COL6A5: variants seen among roughly 807,000 people sequenced by gnomAD.
COL6A5 encodes the protein collagen alpha-5(VI) chain.
A neutral mutation model predicts 65.6 loss-of-function variants in COL6A5; 48 were observed. The observed-to-expected ratio is 0.73, with a 90% CI of 0.58 to 0.93. COL6A5 has a LOEUF of 0.93. Among genes scored for constraint, COL6A5 ranks in the 40% least tolerant of loss-of-function variants. The pLI, the probability that COL6A5 is intolerant of heterozygous loss-of-function variation, is 0.00. For synonymous variants in COL6A5, 291 were observed against 322.8 expected (o/e 0.90, Z 1.05); for missense variants, 914 against 928.3 (o/e 0.98, Z 0.20).
At chr3:130,378,470 C>A (rs1199730396) in intron 3 of COL6A5, among the ~76,000 whole-genome samples, 2 of 152,160 alleles carry the variant, frequency 1.3e-5, no homozygotes, top group Non-Finnish European at 2.9e-5. Context: ...GAATCATTAT[C>A]TCTTTCCTGG....
rs1332871802 is a variant in COL6A5 at position 130,469,030 on chromosome 3, TC to T, written c.1782del (p.Pro595LeufsTer28). ...ACAGGGTTGCTGTCCTGAGCTACTC[TC>T]CTCCAGGCTATATGCCTAACACTGA... On this transcript the variant is annotated frameshift_variant, in exon 6 of 8. Transcript: ENST00000512836. LOFTEE classifies it high-confidence loss of function. 3 of 1,612,898 alleles carry T rather than the reference TC, an allele frequency of 1.9e-6. No homozygotes were observed. Among genetic ancestry groups the T allele is most frequent in the Non-Finnish European group, 2.5e-6 (3 of 1,179,396 alleles).
intron 7 of COL6A5, among the ~76,000 whole-genome samples, chr3:130,477,542 C>G (rs1710130356): frequency 6.6e-6 from 1 of 151,738 alleles, no homozygotes; most frequent in African/African-American, 2.4e-5. Context: ...TATGTCAAAC[C>G]CAAGGCTTGT....
intron 4 of COL6A5, 48 bp downstream of exon 36, chr3:130,443,614 T>G: frequency 8.1e-7 from 1 of 1,229,882 alleles, no homozygotes; most frequent in Non-Finnish European, 1.2e-6. Flanking sequence ...AATTGGCTGA[T>G]GGGAGTATAA....
intron 25 of COL6A5, 77 bp from the exon 26 acceptor site, chr3:130,421,076 C>A: frequency 1.5e-6 from 2 of 1,332,796 alleles, no homozygotes; most frequent in Non-Finnish European, 2.1e-6. Context: ...TCTCTTCTGA[C>A]ACTGTAATCT....
chr3:130,462,037 G>A (rs138221206), intron 5 of COL6A5, among the ~76,000 whole-genome samples: 2 of 152,178 alleles, frequency 1.3e-5, no homozygotes, highest in African/African-American at 4.8e-5. Flanking sequence ...AGAAAAGGAT[G>A]AAGTCTATTT....
intron 5 of COL6A5, among the ~76,000 whole-genome samples, chr3:130,468,071 T>A (rs774938245): frequency 2.6e-5 from 4 of 152,000 alleles, no homozygotes; most frequent in Non-Finnish European, 5.9e-5. Flanking sequence ...GGAATGTAAA[T>A]CAAGGCAATG....
intron 25 of COL6A5, among the ~76,000 whole-genome samples, chr3:130,419,189 C>A (rs185783788): frequency 3.3e-5 from 5 of 152,126 alleles, no homozygotes; most frequent in Admixed American, 3.3e-4. Flanking sequence ...CATTTCAATA[C>A]CTTAACAACC....
At chr3:130,376,546 T>C (rs2107637876) in exon 3 of COL6A5, 1 of 1,606,140 alleles carries the variant, frequency 6.2e-7, no homozygotes, top group Non-Finnish European at 8.5e-7. Context: ...TCTGCACCCA[T>C]AAATGGGAGA....
chr3:130,355,504 A>G (rs1169886176), intron 1 of COL6A5, among the ~76,000 whole-genome samples: 1 of 152,108 alleles, frequency 6.6e-6, no homozygotes, highest in Admixed American at 6.6e-5. Flanking sequence ...TTTTATTTAC[A>G]AATTATTTTA....
At chr3:130,444,359 G>A (rs3993277) in intron 4 of COL6A5, among the ~76,000 whole-genome samples, 18,514 of 146,470 alleles carry the variant, frequency 0.13, 1,645 homozygotes, top group East Asian at 0.33. Flanking sequence ...AAATCACAAG[G>A]GTATTGATTG....
At chr3:130,359,611 G>A (rs1245412647) in intron 1 of COL6A5, among the ~76,000 whole-genome samples, 1 of 152,016 alleles carries the variant, frequency 6.6e-6, no homozygotes, top group African/African-American at 2.4e-5. Flanking sequence ...AAGCAAAAGT[G>A]TATAGGACCT....
intron 17 of COL6A5, 68 bp from the exon 18 acceptor site, chr3:130,409,258 C>A: frequency 7.9e-7 from 1 of 1,259,674 alleles, no homozygotes; most frequent in Non-Finnish European, 1.1e-6. Flanking sequence ...ACATACAAAA[C>A]TTCACACTTA....
Position 130,440,841 on chromosome 3 carries a change from ATTGT to A in COL6A5, c.1241+21_1241+24del. On this transcript the variant is annotated intron_variant, in intron 3 of 7. Coordinates refer to ENST00000512836, the Ensembl canonical transcript of COL6A5. ...TCGGTCAGGCGTAAGTTATTATTTC[ATTGT>A]TTGTCTTTTTTTTAATAAGCTAGTG... is the stretch of plus-strand genomic sequence containing the variant. The A allele has an allele frequency of 1.9e-6, 3 of 1,586,402 alleles. No individual in the cohort carries two copies. The highest frequency in any genetic ancestry group is 2.6e-6 in the Non-Finnish European group (3 of 1,161,032).
exon 8 of COL6A5, chr3:130,484,170 A>G: frequency 1.0e-6 from 1 of 955,704 alleles, no homozygotes; most frequent in Non-Finnish European, 1.5e-6. Flanking sequence ...TTTCACAAAA[A>G]CAATTGGCTA....
chr3:130,359,838 A>G (rs914670783), intron 1 of COL6A5, among the ~76,000 whole-genome samples: 6 of 152,114 alleles, frequency 3.9e-5, no homozygotes, highest in Non-Finnish European at 8.8e-5. Context: ...TTTTCTTTAC[A>G]GAAAAGTTTA....
At chr3:130,372,824 A>G (rs1464262389) in intron 1 of COL6A5, among the ~76,000 whole-genome samples, 2 of 152,196 alleles carry the variant, frequency 1.3e-5, no homozygotes, top group East Asian at 1.9e-4. Flanking sequence ...TGAATGAGTA[A>G]CAATTTCAAA....
chr3:130,370,573 T>C (rs55658704), intron 1 of COL6A5, among the ~76,000 whole-genome samples: 86,431 of 152,052 alleles, frequency 0.57, 27,624 homozygotes, highest in Non-Finnish European at 0.72. Flanking sequence ...AATAAGCTTA[T>C]ATCTGAAGAA....
At chr3:130,476,287 G>A (rs1710096008) in intron 7 of COL6A5, among the ~76,000 whole-genome samples, 1 of 151,946 alleles carries the variant, frequency 6.6e-6, no homozygotes, top group African/African-American at 2.4e-5. Context: ...GTAAAATCAG[G>A]GCTTCACCCT....
At chr3:130,409,961 A>G (rs1472995840) in intron 18 of COL6A5, 48 bp from the exon 19 acceptor site, 2 of 1,320,610 alleles carry the variant, frequency 1.5e-6, no homozygotes, top group Non-Finnish European at 2.1e-6. Context: ...TTTGGGGAAA[A>G]AGCTGATATT....
Sources: gnomAD v4.1 joint callset for allele counts (sites outside exome capture counted in the v4.1 genomes callset) on GRCh38, gnomAD v4.1.1 for gene constraint, MANE v1.5 for transcripts, NCBI Gene and HGNC (gene_info 2026-07-23, HGNC 2026-07-21) for gene names.